CSGALNACT1: variants seen among roughly 807,000 people sequenced by gnomAD.
CSGALNACT1 encodes chondroitin sulfate N-acetylgalactosaminyltransferase 1.
In CSGALNACT1, 52 loss-of-function variants were observed where a neutral mutation model predicts 51.0. The observed-to-expected ratio is 1.02, with a 90% confidence interval of 0.82 to 1.29. The LOEUF is 1.29. CSGALNACT1 is among the 50% of genes most tolerant of loss of function. CSGALNACT1 has a pLI of 0.00. For missense variants in CSGALNACT1, 935 were observed against 679.2 expected, an observed-to-expected ratio of 1.38 and a Z score of -4.19; for synonymous variants, 341 against 254.4, an observed-to-expected ratio of 1.34 and a Z score of -3.24.
chr8:19,659,605 C>T (rs548292280), intron 1 of CSGALNACT1, among the ~76,000 whole-genome samples: 1 of 152,200 alleles, frequency 6.6e-6, no homozygotes, highest in Admixed American at 6.5e-5. Context: ...TAAGTTACCA[C>T]GAAAGTGCTT....
chr8:19,572,005 G>A (rs2043151112), intron 3 of CSGALNACT1, among the ~76,000 whole-genome samples: 1 of 152,150 alleles, frequency 6.6e-6, no homozygotes, highest in South Asian at 2.1e-4. Context: ...CACATCAATG[G>A]AACTTGCCAA....
At position 19,538,236 on chromosome 8, in the gene CSGALNACT1, C is replaced by T. The variant is rs573106109; in HGVS notation, c.-296-32106G>A. On this transcript the variant is annotated intron_variant, in intron 3 of 9. Transcript: ENST00000454498. ...CCCCTAGCTACTTGAAAGGCTGAGG[C>T]AGGAAGATTGCTTGAGCCTAGGAGT... Among the ~76,000 whole-genome samples the T allele has an allele frequency of 1.4e-4, 22 of 152,188 alleles. No individual in the cohort carries two copies. The South Asian group carries it at 4.4e-3, about 30-fold the overall frequency.
intron 1 of CSGALNACT1, among the ~76,000 whole-genome samples, chr8:19,700,553 C>T (rs1458232997): frequency 2.0e-5 from 3 of 152,126 alleles, no homozygotes; most frequent in African/African-American, 4.8e-5. Flanking sequence ...TCAGGGAGGA[C>T]TTAGTGCATG....
At chr8:19,551,254 T>C (rs2087993301) in intron 3 of CSGALNACT1, among the ~76,000 whole-genome samples, 1 of 152,210 alleles carries the variant, frequency 6.6e-6, no homozygotes, top group South Asian at 2.1e-4. Context: ...AGGAAAGACT[T>C]GCTCATTGAT....
chr8:19,709,731 C>A (rs143565291), intron 1 of CSGALNACT1, among the ~76,000 whole-genome samples: 1 of 152,176 alleles, frequency 6.6e-6, no homozygotes, highest in Non-Finnish European at 1.5e-5. Flanking sequence ...CCTGCCCCCC[C>A]GCCCAGAGTC....
At chr8:19,752,709 C>T (rs1284697826) in intron 1 of CSGALNACT1, among the ~76,000 whole-genome samples, 1 of 152,208 alleles carries the variant, frequency 6.6e-6, no homozygotes, top group African/African-American at 2.4e-5. Flanking sequence ...CCATTTCCTG[C>T]TTCTCTTTTC....
intron 1 of CSGALNACT1, among the ~76,000 whole-genome samples, chr8:19,634,697 G>A (rs1284066210): frequency 6.6e-6 from 1 of 152,084 alleles, no homozygotes; most frequent in East Asian, 1.9e-4. Flanking sequence ...AACAGAGCTT[G>A]CTTTCTCTTT....
exon 1 of CSGALNACT1, chr8:19,602,204 A>C (rs2050584137): frequency 5.0e-6 from 1 of 201,802 alleles, no homozygotes; most frequent in Admixed American, 5.8e-5. Context: ...CCGCTTCCTA[A>C]CTCGCAGCTC....
intron 3 of CSGALNACT1, among the ~76,000 whole-genome samples, chr8:19,532,774 G>A (rs2083016092): frequency 6.6e-6 from 1 of 152,092 alleles, no homozygotes; most frequent in Admixed American, 6.6e-5. Context: ...TTGGCGAGAA[G>A]GTACAGAGAG....
intron 3 of CSGALNACT1, among the ~76,000 whole-genome samples, chr8:19,514,512 CAT>C (rs1451082417): frequency 3.0e-5 from 2 of 66,202 alleles, no homozygotes; most frequent in East Asian, 4.8e-4. Context: ...TATATATATA[CAT>C]GTATCTATTT....
intron 6 of CSGALNACT1, among the ~76,000 whole-genome samples, chr8:19,438,445 G>A (rs2043661074): frequency 6.6e-6 from 1 of 152,150 alleles, no homozygotes; most frequent in Admixed American, 6.5e-5. Context: ...TGGAGTCGAG[G>A]AATTTCTATG....
intron 3 of CSGALNACT1, among the ~76,000 whole-genome samples, chr8:19,583,439 A>C (rs1225388164): frequency 6.6e-6 from 1 of 152,160 alleles, no homozygotes; most frequent in Non-Finnish European, 1.5e-5. Context: ...TGAGAAGAAA[A>C]AATCCTAAGC....
At chr8:19,691,034 G>A (rs1194327752) in intron 1 of CSGALNACT1, among the ~76,000 whole-genome samples, 1 of 152,230 alleles carries the variant, frequency 6.6e-6, no homozygotes, top group African/African-American at 2.4e-5. Context: ...CAAGGCTGCA[G>A]TGAGTGGCAA....
intron 3 of CSGALNACT1, among the ~76,000 whole-genome samples, chr8:19,520,195 G>A (rs1467090097): frequency 1.3e-5 from 2 of 152,234 alleles, no homozygotes; most frequent in Non-Finnish European, 2.9e-5. Context: ...CGGGACTACA[G>A]AATGCACGTA....
intron 3 of CSGALNACT1, among the ~76,000 whole-genome samples, chr8:19,523,439 T>C (rs913012800): frequency 2.0e-5 from 3 of 151,998 alleles, no homozygotes; most frequent in African/African-American, 7.3e-5. Flanking sequence ...TAATTTTTTT[T>C]TTTTACTTTT....
At chr8:19,469,929 G>A (rs150458299) in intron 4 of CSGALNACT1, among the ~76,000 whole-genome samples, 2,203 of 152,274 alleles carry the variant, frequency 0.014, 32 homozygotes, top group South Asian at 0.052. Context: ...GAGAAAGGGA[G>A]GGAGGGAAGA....
At chr8:19,656,768 T>C (rs2058316298) in intron 1 of CSGALNACT1, among the ~76,000 whole-genome samples, 1 of 152,166 alleles carries the variant, frequency 6.6e-6, no homozygotes, top group Non-Finnish European at 1.5e-5. Flanking sequence ...ATAGAACTTT[T>C]AGAAATCAAA....
At chr8:19,682,224 CTGTT>C (rs1322211978) in intron 1 of CSGALNACT1, among the ~76,000 whole-genome samples, 3 of 152,130 alleles carry the variant, frequency 2.0e-5, no homozygotes, top group Non-Finnish European at 2.9e-5. Flanking sequence ...ATGTGAGCCT[CTGTT>C]TGTACTCCTG....
chr8:19,493,151 T>A (rs771359773), intron 4 of CSGALNACT1, among the ~76,000 whole-genome samples: 4 of 152,064 alleles, frequency 2.6e-5, no homozygotes, highest in Non-Finnish European at 5.9e-5. Flanking sequence ...AATACTAAAT[T>A]AAAGCTAAAG....
Sources: allele counts gnomAD v4.1 joint callset (sites outside exome capture counted in the v4.1 genomes callset), GRCh38; gene constraint gnomAD v4.1.1; transcripts MANE v1.5; gene names NCBI Gene and HGNC (gene_info 2026-07-23, HGNC 2026-07-21).